RBMS3: variants seen among roughly 807,000 people sequenced by gnomAD.
RBMS3 encodes the protein RNA binding motif single stranded interacting protein 3, also known as RNA-binding motif, single-stranded-interacting protein 3.
RBMS3 carries 27 observed loss-of-function variants against 66.8 expected under a neutral mutation model. The ratio of observed to expected loss-of-function variants is 0.40; its 90% confidence interval spans 0.30 to 0.56. The LOEUF is 0.56. Ranked by LOEUF, RBMS3 falls within the 20% of genes least tolerant of loss-of-function variation. The pLI is 0.40. For synonymous variants in RBMS3, 188 were observed against 183.0 expected (o/e 1.03, Z -0.22); for missense variants, 513 against 549.5 (o/e 0.93, Z 0.66).
chr3:29,357,747 G>GA (rs1169205383), intron 1 of RBMS3, among the ~76,000 whole-genome samples: 2 of 152,130 alleles, frequency 1.3e-5, no homozygotes, highest in Non-Finnish European at 2.9e-5. Flanking sequence ...CATTCTAATT[G>GA]ATGTGAGATG....
At chr3:29,707,185 C>G (rs2052939036) in intron 4 of RBMS3, among the ~76,000 whole-genome samples, 1 of 152,072 alleles carries the variant, frequency 6.6e-6, no homozygotes, top group East Asian at 1.9e-4. Flanking sequence ...ATATTTCTGT[C>G]CCCCAAAAAC....
chr3:29,930,877 C>T (rs1467319910), intron 10 of RBMS3, among the ~76,000 whole-genome samples: 1 of 152,038 alleles, frequency 6.6e-6, no homozygotes, highest in Non-Finnish European at 1.5e-5. Context: ...AACTGAACTG[C>T]CCCTTGGGAG....
chr3:29,718,389 A>C (rs2149317102), intron 4 of RBMS3, among the ~76,000 whole-genome samples: 1 of 152,032 alleles, frequency 6.6e-6, no homozygotes, highest in Non-Finnish European at 1.5e-5. Flanking sequence ...TTTATTTAGG[A>C]AGTGATCCAT....
At chr3:29,423,149 T>G (rs956832082) in intron 1 of RBMS3, among the ~76,000 whole-genome samples, 1 of 152,150 alleles carries the variant, frequency 6.6e-6, no homozygotes, top group Non-Finnish European at 1.5e-5. Context: ...GTGGTTTCTC[T>G]TTTGGGATGG....
At chr3:29,854,486 GACCTTC>G (rs1447134416) in intron 6 of RBMS3, among the ~76,000 whole-genome samples, 1 of 152,184 alleles carries the variant, frequency 6.6e-6, no homozygotes, top group Non-Finnish European at 1.5e-5. Flanking sequence ...ACCTTCAGGA[GACCTTC>G]TCTCTACTCC....
intron 10 of RBMS3, among the ~76,000 whole-genome samples, chr3:29,911,432 A>G (rs910047236): frequency 6.6e-6 from 1 of 152,062 alleles, no homozygotes; most frequent in Non-Finnish European, 1.5e-5. Context: ...CCTATATTCC[A>G]TTAAACATGG....
intron 3 of RBMS3, among the ~76,000 whole-genome samples, chr3:29,569,406 C>A (rs1272930143): frequency 6.6e-6 from 1 of 151,934 alleles, no homozygotes; most frequent in African/African-American, 2.4e-5. Flanking sequence ...TCAAAATGTT[C>A]TTGGAGACAA....
chr3:29,612,755 G>A (rs1400987813), intron 4 of RBMS3, among the ~76,000 whole-genome samples: 2 of 152,112 alleles, frequency 1.3e-5, no homozygotes, highest in South Asian at 2.1e-4. Context: ...AGTAACACAT[G>A]ATTGCTTTTG....
chr3:29,741,040 CAAA>C (rs369719098), intron 5 of RBMS3, among the ~76,000 whole-genome samples: 7 of 90,880 alleles, frequency 7.7e-5, no homozygotes, highest in Admixed American at 2.4e-4. Flanking sequence ...GACTCCATCT[CAAA>C]AAAAAAAAAA....
At chr3:29,513,691 A>G (rs1178348989) in intron 3 of RBMS3, among the ~76,000 whole-genome samples, 1 of 152,024 alleles carries the variant, frequency 6.6e-6, no homozygotes, top group East Asian at 1.9e-4. Context: ...AGAGTTTGTG[A>G]GAAGTATGCA....
At chr3:29,496,840 G>A (rs753940710) in intron 3 of RBMS3, among the ~76,000 whole-genome samples, 2 of 152,142 alleles carry the variant, frequency 1.3e-5, no homozygotes, top group Non-Finnish European at 2.9e-5. Flanking sequence ...CTCAGCATTT[G>A]CTTGTAATCA....
At chr3:29,989,616 G>A (rs1698686140) in intron 13 of RBMS3, among the ~76,000 whole-genome samples, 2 of 152,202 alleles carry the variant, frequency 1.3e-5, no homozygotes, top group South Asian at 4.1e-4. Context: ...TGTGACAAAT[G>A]TTTGTTCATA....
chr3:29,928,211 TACACACACAC>T (rs1175604100), intron 10 of RBMS3, among the ~76,000 whole-genome samples: 1 of 93,508 alleles, frequency 1.1e-5, no homozygotes, highest in Non-Finnish European at 2.1e-5. Flanking sequence ...TATATATATA[TACACACACAC>T]ACACACACAC....
At chr3:29,364,655 A>T (rs966095741) in intron 1 of RBMS3, among the ~76,000 whole-genome samples, 1 of 152,188 alleles carries the variant, frequency 6.6e-6, no homozygotes, top group African/African-American at 2.4e-5. Flanking sequence ...GGAAACAGCC[A>T]TGAGAGTCCT....
chr3:29,591,672 T>C (rs2047743847), intron 4 of RBMS3, among the ~76,000 whole-genome samples: 1 of 152,216 alleles, frequency 6.6e-6, no homozygotes, highest in Non-Finnish European at 1.5e-5. Context: ...AGAATGGGTC[T>C]ACATATTAAA....
chr3:29,407,074 T>C (rs182390811), intron 1 of RBMS3, among the ~76,000 whole-genome samples: 130 of 152,328 alleles, frequency 8.5e-4, no homozygotes, highest in South Asian at 2.9e-3. Context: ...GCAGAAGCTA[T>C]GCAATACATT....
rs1697703827 is a variant in RBMS3 at position 29,977,916 on chromosome 3, A to AC, written c.1099-10227_1099-10226insC. ...CTTTTGTGAGGCTCTAGTAAAAAAAAAAAAGCTTAAGAATATACATCTATT... is the reference window on the plus strand; with the variant it reads ...CTTTTGTGAGGCTCTAGTAAAAAAAACAAAAGCTTAAGAATATACATCTATT... On this transcript the variant is annotated intron_variant, in intron 12 of 14. Transcript: ENST00000383767. 3.3e-5 allele frequency among the ~76,000 whole-genome samples: 5 copies of AC among 152,250 alleles called. No individual in the cohort carries two copies. In the South Asian group the frequency reaches 1.0e-3, roughly 31 times the overall value.
intron 1 of RBMS3, among the ~76,000 whole-genome samples, chr3:29,428,336 TA>T (rs1414756687): frequency 1.3e-5 from 2 of 152,088 alleles, no homozygotes; most frequent in East Asian, 3.9e-4. Context: ...TAAACTATGC[TA>T]CCATGCACAG....
chr3:29,921,844 G>A (rs2060788550), intron 10 of RBMS3, among the ~76,000 whole-genome samples: 1 of 152,158 alleles, frequency 6.6e-6, no homozygotes, highest in Admixed American at 6.5e-5. Context: ...CCTACAGTAT[G>A]TTTTTCAGCT....
Sources: allele counts gnomAD v4.1 joint callset (sites outside exome capture counted in the v4.1 genomes callset), GRCh38; gene constraint gnomAD v4.1.1; transcripts MANE v1.5; gene names NCBI Gene and HGNC (gene_info 2026-07-23, HGNC 2026-07-21).